The following LDLRAP1 variants were observed in gnomAD, a reference collection of about 807,000 sequenced individuals.
LDLRAP1 encodes low density lipoprotein receptor adapter protein 1.
Under a neutral mutation model 37.8 loss-of-function variants are expected in LDLRAP1, and 30 were observed. The ratio of observed to expected loss-of-function variants is 0.79; its 90% CI spans 0.59 to 1.08. The LOEUF is 1.08. Among genes scored for constraint, LDLRAP1 ranks in the 50% least tolerant of loss-of-function variants. The pLI is 0.00. For synonymous variants in LDLRAP1, 156 were observed against 169.8 expected, an observed-to-expected ratio of 0.92 and a Z score of 0.63; for missense variants, 375 against 401.6, an observed-to-expected ratio of 0.93 and a Z score of 0.57.
intron 4 of LDLRAP1, among the ~76,000 whole-genome samples, chr1:25,558,503 T>G (rs755861554): frequency 6.6e-6 from 1 of 152,238 alleles, no homozygotes; most frequent in African/African-American, 2.4e-5. Context: ...GAGTCTAAAC[T>G]AGGTCGGCAG....
At chr1:25,546,142 A>G (rs570842837) in intron 1 of LDLRAP1, among the ~76,000 whole-genome samples, 319 of 152,242 alleles carry the variant, frequency 2.1e-3, no homozygotes, top group African/African-American at 7.3e-3. Context: ...AGCAGGGGCC[A>G]TGGGGTATGT....
chr1:25,562,847 C>A, intron 5 of LDLRAP1, 131 bp downstream of exon 5: 1 of 848,282 alleles, frequency 1.2e-6, no homozygotes, highest in Non-Finnish European at 1.9e-6. Context: ...GTCCCTTCAC[C>A]GCTCAGAGTC....
Position 25,554,209 on chromosome 1 carries a change from G to A in LDLRAP1, c.231+145G>A. On this transcript the variant is annotated intron_variant, in intron 2 of 8. Transcript: ENST00000374338. The surrounding 1 kb of genome is among the most constrained non-coding windows in gnomAD (Gnocchi z 5.4). ...CATTCTCCTTCCATCCAGCTTTTGG[G>A]CCTTGGCAGAGGGGAACCATTGGAC... is the stretch of plus-strand genomic sequence containing the variant. 9.3e-7 allele frequency: 1 copy of A among 1,076,454 alleles called. No homozygotes were observed. Among genetic ancestry groups the A allele is most frequent in the Non-Finnish European group, 1.3e-6 (1 of 742,994 alleles). 66.7% of individuals were successfully genotyped at this position (1,076,454 alleles called of 1,614,324 possible). A position where few individuals can be genotyped will look rare whatever the true frequency, so the allele number is the denominator to read the frequency against.
chr1:25,554,132 T>C lies in LDLRAP1; in HGVS notation c.231+68T>C. 6.3e-7 allele frequency: 1 copy of C among 1,587,834 alleles called. No individual in the cohort carries two copies. Among genetic ancestry groups the C allele is most frequent in the Non-Finnish European group, 8.6e-7 (1 of 1,165,334 alleles). The stretch of plus-strand genomic sequence containing the variant: ...GGACCAGCTTCTTCCCAGGGTGCCC[T>C]CGTCCCAGCTTGTTACTCCAGTTGG... On this transcript the variant is annotated intron_variant, in intron 2 of 8. Coordinates refer to ENST00000374338, the MANE Select transcript of LDLRAP1 (RefSeq NM_015627.3). This position sits in a 1 kb window ranked among gnomAD's most constrained non-coding sequence, Gnocchi z 5.4.
chr1:25,586,479 C>CGTGCGT, the LDLRAP1 span, among the ~76,000 whole-genome samples: 1 of 145,960 alleles, frequency 6.9e-6, no homozygotes, highest in South Asian at 2.1e-4. The surrounding 1 kb of genome is among the most constrained non-coding windows in gnomAD (Gnocchi z 4.3). Context: ...CTGCTTCCCA[C>CGTGCGT]GTGCGTGTGC....
At chr1:25,574,482 C>T in the LDLRAP1 span, among the ~76,000 whole-genome samples, 20 of 152,274 alleles carry the variant, frequency 1.3e-4, no homozygotes, top group South Asian at 2.1e-4. Context: ...GTTGTCTGAG[C>T]GGGGGGCTTC....
the LDLRAP1 span, among the ~76,000 whole-genome samples, chr1:25,581,113 T>C: frequency 6.6e-6 from 1 of 152,136 alleles, no homozygotes; most frequent in African/African-American, 2.4e-5. Flanking sequence ...GAGGGTGCCG[T>C]GCTGGGCTGG....
chr1:25,588,548 C>A, the LDLRAP1 span, among the ~76,000 whole-genome samples: 8 of 152,102 alleles, frequency 5.3e-5, no homozygotes, highest in Non-Finnish European at 1.0e-4. Flanking sequence ...GATGCAGAGA[C>A]CTTTGTTCAC....
chr1:25,543,740 C>G lies in LDLRAP1; in HGVS notation c.42C>G (p.Ser14Arg). 8.2e-7 allele frequency: 1 copy of G among 1,212,668 alleles called. No individual in the cohort carries two copies. The highest frequency in any genetic ancestry group is 1.0e-6 in the Non-Finnish European group (1 of 975,680). The allele number at this position is 1,212,668 out of a possible 1,614,324, so 75.1% of individuals were successfully genotyped here. Reference protein sequence around the residue: ...LKSAGRALIRSPSLAKQSWGG... With the variant: ...LKSAGRALIRRPSLAKQSWGG... The stretch of plus-strand genomic sequence containing the variant: ...CGGCGGGGCGGGCGCTGATCCGGAG[C>G]CCCAGCTTGGCCAAGCAGAGCTGGG... Residue 14 changes from serine (S) to arginine (R), a missense_variant, in exon 1 of 9, where the codon AGC becomes AGG. Transcript: ENST00000374338.
At position 25,544,152 on chromosome 1, in the gene LDLRAP1, T is replaced by C. The variant is rs537738400; in HGVS notation, c.88+366T>C. 5.3e-5 allele frequency among the ~76,000 whole-genome samples: 8 copies of C among 152,076 alleles called. No individual in the cohort carries two copies. The highest frequency in any genetic ancestry group is 1.9e-4 in the African/African-American group (8 of 41,514). ...GGGGGAGGCAGGCGCTCGTCGTCGGTGCCTAGGGGAGGAGGAGAGGGCGCA... is the reference window on the plus strand; with the variant it reads ...GGGGGAGGCAGGCGCTCGTCGTCGGCGCCTAGGGGAGGAGGAGAGGGCGCA... On this transcript the variant is annotated intron_variant, in intron 1 of 8. Coordinates refer to ENST00000374338, the MANE Select transcript of LDLRAP1 (RefSeq NM_015627.3). The surrounding 1 kb of genome is among the most constrained non-coding windows in gnomAD (Gnocchi z 4.8).
chr1:25,586,600 A>G, the LDLRAP1 span, among the ~76,000 whole-genome samples: 4 of 149,250 alleles, frequency 2.7e-5, no homozygotes, highest in East Asian at 8.0e-4. This position sits in a 1 kb window ranked among gnomAD's most constrained non-coding sequence, Gnocchi z 4.3. Flanking sequence ...GTGTGTGTGT[A>G]TGTGTTTTGG....
downstream of LDLRAP1, among the ~76,000 whole-genome samples, chr1:25,569,075 G>A (rs762994798): frequency 5.3e-5 from 8 of 152,100 alleles, no homozygotes; most frequent in Non-Finnish European, 8.8e-5. Flanking sequence ...GCAGCTGGGT[G>A]TGTGTGTGAT....
downstream of LDLRAP1, among the ~76,000 whole-genome samples, chr1:25,571,616 C>T (rs1218634591): frequency 6.6e-6 from 1 of 152,266 alleles, no homozygotes; most frequent in East Asian, 1.9e-4. Flanking sequence ...CAGCCAGCCT[C>T]ACACAGCTAT....
chr1:25,583,803 C>G, the LDLRAP1 span, among the ~76,000 whole-genome samples: 1 of 152,164 alleles, frequency 6.6e-6, no homozygotes, highest in Non-Finnish European at 1.5e-5. Flanking sequence ...TCCCAACCCC[C>G]GAGCCTTAGG....
In LDLRAP1 at chr1:25,554,946, G is replaced by A; in HGVS notation, c.318G>A (p.Gln106=). 1 of 1,614,192 alleles carries A rather than the reference G, an allele frequency of 6.2e-7. No individual in the cohort carries two copies. The highest frequency in any genetic ancestry group is 1.1e-5 in the South Asian group (1 of 91,088). The part of the protein sequence containing the change: ...GIILTDNLTN[Q]LIENVSIYRI... The stretch of plus-strand genomic sequence containing the variant: ...TCCTGACAGACAACCTCACCAACCA[G>A]CTCATTGAGAACGTGTCCATATACA... Residue 106 remains glutamine, a synonymous_variant, in exon 3 of 9, where the codon CAG becomes CAA. Transcript: ENST00000374338. The surrounding 1 kb of genome is among the most constrained non-coding windows in gnomAD (Gnocchi z 5.4).
downstream of LDLRAP1, among the ~76,000 whole-genome samples, chr1:25,569,081 G>A (rs1557716110): frequency 6.6e-6 from 1 of 152,246 alleles, no homozygotes; most frequent in East Asian, 1.9e-4. Flanking sequence ...GGGTGTGTGT[G>A]TGATGAGGTC....
At chr1:25,561,987 A>T (rs575294321) in intron 4 of LDLRAP1, among the ~76,000 whole-genome samples, 1 of 151,920 alleles carries the variant, frequency 6.6e-6, no homozygotes, top group African/African-American at 2.4e-5. Context: ...GGTGAGGGAG[A>T]GTTCCCCTGG....
intron 1 of LDLRAP1, among the ~76,000 whole-genome samples, chr1:25,546,581 G>A (rs1394303909): frequency 6.6e-6 from 1 of 152,076 alleles, no homozygotes; most frequent in Non-Finnish European, 1.5e-5. Flanking sequence ...TGGAAGAGGG[G>A]CTCACCTTGG....
chr1:25,565,077 G>A, intron 7 of LDLRAP1, 96 bp from the exon 8 acceptor site: 5 of 1,369,262 alleles, frequency 3.7e-6, no homozygotes, highest in Non-Finnish European at 5.2e-6. Context: ...CTTGTGTCCT[G>A]AGTCCCTGTA....
Sources: gnomAD v4.1 joint callset for allele counts (sites outside exome capture counted in the v4.1 genomes callset) on GRCh38, gnomAD v4.1.1 for gene constraint, Gnocchi (gnomAD v3.1) non-coding constraint, MANE v1.5 for transcripts, NCBI Gene and HGNC (gene_info 2026-07-23, HGNC 2026-07-21) for gene names.